KCNN4: variants seen among roughly 807,000 people sequenced by gnomAD.
KCNN4 encodes intermediate conductance calcium-activated potassium channel protein 4.
A neutral mutation model predicts 45.2 loss-of-function variants in KCNN4; 31 were observed. The observed-to-expected ratio is 0.69, with a 90% CI of 0.52 to 0.92. The LOEUF (loss-of-function observed/expected upper bound fraction) is 0.92. KCNN4 is among the 40% of genes least tolerant of loss of function. The pLI, the probability that KCNN4 is intolerant of heterozygous loss-of-function variation, is 0.00. For synonymous variants in KCNN4, 231 were observed against 254.6 expected (o/e 0.91, Z 0.88); for missense variants, 463 against 574.0 (o/e 0.81, Z 1.98).
At chr19:43,778,354 C>T (rs1323267807) in intron 1 of KCNN4, among the ~76,000 whole-genome samples, 2 of 152,204 alleles carry the variant, frequency 1.3e-5, no homozygotes, top group Non-Finnish European at 2.9e-5. Flanking sequence ...ATTCTCCTGC[C>T]TCAGCCTCCT....
chr19:43,774,626 G>A lies in KCNN4; in HGVS notation c.256-7C>T. Reference sequence around the variant, plus strand: ...CGTTGTCGGTCATGAACAGCTGCCGGTAGGGGGCCAAGAAGGGAGGGGTCA... The same window carrying A: ...CGTTGTCGGTCATGAACAGCTGCCGATAGGGGGCCAAGAAGGGAGGGGTCA... On this transcript the variant is annotated splice_polypyrimidine_tract_variant and splice_region_variant and intron_variant, in intron 2 of 8. Coordinates refer to ENST00000648319, the MANE Select transcript of KCNN4 (RefSeq NM_002250.3). This position sits in a 1 kb window ranked among gnomAD's most constrained non-coding sequence, Gnocchi z 5.6. 2 of 1,492,530 alleles carry A rather than the reference G, an allele frequency of 1.3e-6. No individual in the cohort carries two copies. The highest frequency in any genetic ancestry group is 1.8e-6 in the Non-Finnish European group (2 of 1,130,260). 92.5% of individuals were successfully genotyped at this position (1,492,530 alleles called of 1,614,324 possible).
intron 1 of KCNN4, among the ~76,000 whole-genome samples, chr19:43,777,991 C>T (rs1038802930): frequency 1.3e-5 from 2 of 152,168 alleles, no homozygotes; most frequent in Non-Finnish European, 2.9e-5. Flanking sequence ...AGCCCTCCCC[C>T]ACCTTCTATG....
chr19:43,767,715 G>A lies in KCNN4; in HGVS notation c.1120-8C>T. 1.2e-6 allele frequency: 2 copies of A among 1,614,088 alleles called. No individual in the cohort carries two copies. The highest frequency in any genetic ancestry group is 8.5e-7 in the Non-Finnish European group (1 of 1,179,978). ...ATACAGGATCATGTGCATCTGGGTG[G>A]GAGGAGAGGATCAGAGGTGTCGGGG... On this transcript the variant is annotated splice_region_variant and splice_polypyrimidine_tract_variant and intron_variant, in intron 7 of 8. Transcript: ENST00000648319.
In KCNN4 at chr19:43,780,916, C is replaced by A. The variant is rs1341503195; in HGVS notation, c.-55G>T. The A allele has an allele frequency of 4.4e-6, 7 of 1,575,622 alleles. No homozygotes were observed. The highest frequency in any genetic ancestry group is 2.2e-5 in the East Asian group (1 of 44,646). On this transcript the variant is annotated 5_prime_UTR_variant, in exon 1 of 9. Transcript: ENST00000648319. ...TTCCTGCCCAGGGTCCCCCACCTCG[C>A]AGCACGCACAGGGCAGCCACTGTGG... is the stretch of plus-strand genomic sequence containing the variant.
At chr19:43,778,643 T>C (rs1969883533) in intron 1 of KCNN4, among the ~76,000 whole-genome samples, 1 of 152,352 alleles carries the variant, frequency 6.6e-6, no homozygotes, top group African/African-American at 2.4e-5. Flanking sequence ...TCTCTATCTT[T>C]CTGCATTTTT....
chr19:43,780,450 TCCTGACCCCCAGC>T (rs1969944705), intron 1 of KCNN4, among the ~76,000 whole-genome samples: 1 of 81,488 alleles, frequency 1.2e-5, no homozygotes, highest in African/African-American at 5.1e-5. Flanking sequence ...GACCCAGGAG[TCCTGACCCCCAGC>T]CCCTCCTCCC....
Position 43,769,379 on chromosome 19 carries a change from G to A in KCNN4, c.1049+63C>T, listed in dbSNP as rs760854723. ...GGCATGGACATGCACACACACAGCC[G>A]TGCAGAGAGGTGACTTGGACATGGG... On this transcript the variant is annotated intron_variant, in intron 6 of 8. Coordinates refer to ENST00000648319, the MANE Select transcript of KCNN4 (RefSeq NM_002250.3). This position sits in a 1 kb window ranked among gnomAD's most constrained non-coding sequence, Gnocchi z 4.4. 58 of 1,313,448 alleles carry A rather than the reference G, an allele frequency of 4.4e-5. No homozygotes were observed. The highest frequency in any genetic ancestry group is 7.2e-5 in the African/African-American group (5 of 69,254). 81.4% of individuals were successfully genotyped at this position (1,313,448 alleles called of 1,614,324 possible).
At chr19:43,770,409 A>G (rs1026308621) in intron 4 of KCNN4, among the ~76,000 whole-genome samples, 1 of 151,796 alleles carries the variant, frequency 6.6e-6, no homozygotes, top group Non-Finnish European at 1.5e-5. Context: ...CTTCCTCCGA[A>G]CACTCATTCT....
chr19:43,779,697 A>G (rs1316710699), intron 1 of KCNN4, among the ~76,000 whole-genome samples: 1 of 151,506 alleles, frequency 6.6e-6, no homozygotes, highest in Non-Finnish European at 1.5e-5. Context: ...CCCTGACCCC[A>G]CTTTCCCCTT....
intron 1 of KCNN4, among the ~76,000 whole-genome samples, chr19:43,778,996 C>G (rs543316003): frequency 6.6e-6 from 1 of 152,154 alleles, no homozygotes; most frequent in Non-Finnish European, 1.5e-5. Context: ...GAGTTCAAGA[C>G]CAGCCTAGGC....
chr19:43,773,345 T>A (rs894670912), intron 3 of KCNN4, among the ~76,000 whole-genome samples: 10 of 152,210 alleles, frequency 6.6e-5, no homozygotes, highest in Non-Finnish European at 1.3e-4. Context: ...GACATGCATT[T>A]TTCAGATGAG....
Position 43,772,415 on chromosome 19 carries a change from T to TCC in KCNN4, c.684-281_684-280insGG, listed in dbSNP as rs1344329745. On this transcript the variant is annotated intron_variant, in intron 3 of 8. Transcript: ENST00000648319. The surrounding 1 kb of genome is among the most constrained non-coding windows in gnomAD (Gnocchi z 4.4). Reference sequence around the variant, plus strand: ...GGCCAATCCCAATGCCGGTATGGTCTCAGCTAGGCTACCCGGGCTGCTGTA... The same window carrying TCC: ...GGCCAATCCCAATGCCGGTATGGTCTCCCAGCTAGGCTACCCGGGCTGCTGTA... Among the ~76,000 whole-genome samples the TCC allele has an allele frequency of 6.6e-6, 1 of 152,182 alleles. No individual in the cohort carries two copies. The highest frequency in any genetic ancestry group is 1.5e-5 in the Non-Finnish European group (1 of 68,046).
At chr19:43,775,183 C>A (rs1255266421) in intron 2 of KCNN4, among the ~76,000 whole-genome samples, 1 of 152,060 alleles carries the variant, frequency 6.6e-6, no homozygotes, top group Non-Finnish European at 1.5e-5. Context: ...AAAAATAAGC[C>A]GGGCATGGTG....
At chr19:43,775,891 A>T (rs572225674) in intron 2 of KCNN4, among the ~76,000 whole-genome samples, 1 of 151,872 alleles carries the variant, frequency 6.6e-6, no homozygotes, top group East Asian at 1.9e-4. Flanking sequence ...CTTTGGGAGG[A>T]CAAGGTGGGC....
chr19:43,771,926 T>C, intron 4 of KCNN4, 74 bp downstream of exon 4: 1 of 1,500,660 alleles, frequency 6.7e-7, no homozygotes, highest in Admixed American at 2.3e-5. Context: ...TGAACCCATT[T>C]AATCATGGCT....
At chr19:43,776,904 CT>C in intron 1 of KCNN4, 1 of 402,102 alleles carries the variant, frequency 2.5e-6, no homozygotes, top group East Asian at 4.5e-5. Context: ...TTGAGACCCC[CT>C]GGCCAACATG....
Position 43,769,890 on chromosome 19 carries a change from C to G in KCNN4, c.820-61G>C. 1 of 1,161,714 alleles carries G rather than the reference C, an allele frequency of 8.6e-7. No homozygotes were observed. The highest frequency in any genetic ancestry group is 1.3e-5 in the South Asian group (1 of 77,118). 72.0% of individuals were successfully genotyped at this position (1,161,714 alleles called of 1,614,324 possible). A position where few individuals can be genotyped will look rare whatever the true frequency, so the allele number is the denominator to read the frequency against. On this transcript the variant is annotated intron_variant, in intron 4 of 8. Coordinates refer to ENST00000648319, the MANE Select transcript of KCNN4 (RefSeq NM_002250.3). The surrounding 1 kb of genome is among the most constrained non-coding windows in gnomAD (Gnocchi z 4.4). ...GCCACCGACTCCCTCCTTGAACCCGCCCAACAGCCACAGACGGTAGGCACG... is the reference window on the plus strand; with the variant it reads ...GCCACCGACTCCCTCCTTGAACCCGGCCAACAGCCACAGACGGTAGGCACG...
At chr19:43,780,367 GA>G (rs1178226189) in intron 1 of KCNN4, among the ~76,000 whole-genome samples, 14 of 144,638 alleles carry the variant, frequency 9.7e-5, no homozygotes, top group African/African-American at 3.6e-4. Context: ...TCCTCCCTCA[GA>G]TCCAGGAGTC....
rs760687852 is a variant in KCNN4, at chr19:43,780,784, G to A, written c.78C>T (p.Ala26=). ...TTCCTGCCAGCACCAGTGCCCAGCC[G>A]GCCAGAGACTTCTCCTGCTCCAGCA... is the stretch of plus-strand genomic sequence containing the variant. ...KRLLEQEKSL[A]GWALVLAGTG... is the part of the protein sequence containing the mutation. Residue 26 remains alanine (A), a synonymous_variant, in exon 1 of 9, where the codon GCC becomes GCT. Transcript: ENST00000648319. 19 of 1,613,588 alleles carry A rather than the reference G, an allele frequency of 1.2e-5. No individual in the cohort carries two copies. In the East Asian group the frequency reaches 2.5e-4, roughly 21 times the overall value.
Sources: gnomAD v4.1 joint callset for allele counts (sites outside exome capture counted in the v4.1 genomes callset) on GRCh38, gnomAD v4.1.1 for gene constraint, Gnocchi (gnomAD v3.1) non-coding constraint, MANE v1.5 for transcripts, NCBI Gene and HGNC (gene_info 2026-07-23, HGNC 2026-07-21) for gene names.